PLXDC2: variants seen among roughly 807,000 people sequenced by gnomAD.
PLXDC2 encodes plexin domain containing 2.
In PLXDC2, 40 loss-of-function variants were observed where a neutral mutation model predicts 68.9. The ratio of observed to expected loss-of-function variants is 0.58; its 90% confidence interval spans 0.45 to 0.76. The LOEUF (loss-of-function observed/expected upper bound fraction) is 0.76, where lower values mean the gene tolerates loss of function less well. Among genes scored for constraint, PLXDC2 ranks in the 30% least tolerant of loss-of-function variants. The pLI, the probability that PLXDC2 is intolerant of heterozygous loss-of-function variation, is 0.00. For synonymous variants in PLXDC2, 243 were observed against 234.2 expected, an observed-to-expected ratio of 1.04 and a Z score of -0.34; for missense variants, 644 against 661.9, an observed-to-expected ratio of 0.97 and a Z score of 0.30.
At chr10:20,205,493 G>C (rs1453205658) in intron 9 of PLXDC2, among the ~76,000 whole-genome samples, 1 of 152,020 alleles carries the variant, frequency 6.6e-6, no homozygotes, top group African/African-American at 2.4e-5. Context: ...GCAACTTAGA[G>C]TTTCTCTCAT....
chr10:20,165,813 A>G (rs1338142986), intron 7 of PLXDC2, among the ~76,000 whole-genome samples: 1 of 152,174 alleles, frequency 6.6e-6, no homozygotes, highest in Non-Finnish European at 1.5e-5. Context: ...TTGTTATATT[A>G]GAAACCAAAA....
At chr10:20,000,731 C>T in intron 1 of PLXDC2, among the ~76,000 whole-genome samples, 1 of 152,118 alleles carries the variant, frequency 6.6e-6, no homozygotes, top group East Asian at 1.9e-4. Flanking sequence ...TTATAAGCTG[C>T]ATTAAATACA....
At chr10:20,024,213 C>T (rs762675206) in intron 2 of PLXDC2, among the ~76,000 whole-genome samples, 2 of 152,084 alleles carry the variant, frequency 1.3e-5, no homozygotes, top group Non-Finnish European at 2.9e-5. Flanking sequence ...AAACTCTAAG[C>T]CATCACAAGT....
intron 13 of PLXDC2, among the ~76,000 whole-genome samples, chr10:20,255,231 AGAT>A (rs1436184928): frequency 2.0e-5 from 3 of 151,762 alleles, no homozygotes; most frequent in African/African-American, 4.8e-5. Context: ...ATAGATAGAT[AGAT>A]ACCACAGAAA....
At chr10:19,979,893 G>T (rs1381702595) in intron 1 of PLXDC2, among the ~76,000 whole-genome samples, 1 of 152,178 alleles carries the variant, frequency 6.6e-6, no homozygotes, top group Non-Finnish European at 1.5e-5. Flanking sequence ...AATTCAGACT[G>T]ATCTGGGAGC....
intron 13 of PLXDC2, among the ~76,000 whole-genome samples, chr10:20,247,620 C>T (rs1197985998): frequency 6.6e-6 from 1 of 152,178 alleles, no homozygotes; most frequent in African/African-American, 2.4e-5. Flanking sequence ...TTCTGAAACT[C>T]TATCTGCAGG....
At chr10:20,016,080 A>G (rs1835204880) in intron 2 of PLXDC2, among the ~76,000 whole-genome samples, 2 of 152,318 alleles carry the variant, frequency 1.3e-5, no homozygotes, top group South Asian at 4.1e-4. Flanking sequence ...AACTCTCTGG[A>G]TATCGCTCCA....
chr10:20,125,125 C>T (rs1421591976), intron 4 of PLXDC2, among the ~76,000 whole-genome samples: 5 of 151,898 alleles, frequency 3.3e-5, no homozygotes, highest in Admixed American at 3.3e-4. Context: ...CCAGTAATGT[C>T]CCCCAGACAT....
chr10:20,122,414 C>T lies in PLXDC2; in HGVS notation c.542-20881C>T, dbSNP rs191364183. On this transcript the variant is annotated intron_variant, in intron 4 of 13. Coordinates refer to ENST00000377252, the MANE Select transcript of PLXDC2 (RefSeq NM_032812.9). ...CTAGGGGGCTTTCGAGGCGATTGGG[C>T]AGCATCAGTCTTCAGCCACTAAGCC... is the stretch of plus-strand genomic sequence containing the variant. Among the ~76,000 whole-genome samples, 4 of 152,308 alleles carry T rather than the reference C, an allele frequency of 2.6e-5. No homozygotes were observed. The East Asian group carries it at 7.7e-4, about 29-fold the overall frequency.
At chr10:20,103,402 C>T (rs1215894631) in intron 4 of PLXDC2, among the ~76,000 whole-genome samples, 2 of 152,050 alleles carry the variant, frequency 1.3e-5, no homozygotes, top group African/African-American at 4.8e-5. Context: ...TTGATAAGAA[C>T]AGCTTTGAAA....
chr10:20,030,481 G>A (rs1564662633), intron 2 of PLXDC2, among the ~76,000 whole-genome samples: 1 of 152,160 alleles, frequency 6.6e-6, no homozygotes, highest in Non-Finnish European at 1.5e-5. Context: ...AAGGAATTTG[G>A]AGGAAAGAGA....
intron 1 of PLXDC2, among the ~76,000 whole-genome samples, chr10:19,899,623 A>G (rs1476775750): frequency 2.0e-5 from 3 of 152,218 alleles, no homozygotes; most frequent in Non-Finnish European, 4.4e-5. Context: ...AATTTTAAGT[A>G]TATATTTGGT....
rs182713789 is a variant in PLXDC2, at chr10:19,906,151, C to T, written c.112+88960C>T. The stretch of plus-strand genomic sequence containing the variant: ...AGAGAGAGGGACTAAAGTGTGAGTG[C>T]ATGTGTATATGTGTTCACGTGTGTG... On this transcript the variant is annotated intron_variant, in intron 1 of 13. Transcript: ENST00000377252. Among the ~76,000 whole-genome samples, 31 of 152,132 alleles carry T rather than the reference C, an allele frequency of 2.0e-4. No homozygotes were observed. In the East Asian group the frequency reaches 5.8e-3, roughly 29 times the overall value.
intron 4 of PLXDC2, among the ~76,000 whole-genome samples, chr10:20,106,710 T>C (rs1025406569): frequency 2.6e-5 from 4 of 152,114 alleles, no homozygotes; most frequent in Non-Finnish European, 4.4e-5. Context: ...TTTTTCCCAA[T>C]TACCTCTTAA....
intron 4 of PLXDC2, among the ~76,000 whole-genome samples, chr10:20,120,129 G>A (rs1006733446): frequency 2.0e-5 from 3 of 152,098 alleles, no homozygotes; most frequent in East Asian, 1.9e-4. Flanking sequence ...AGTTGAGAAC[G>A]GTGAATAGGA....
intron 6 of PLXDC2, among the ~76,000 whole-genome samples, chr10:20,158,353 AATACTTCTAAATAGCT>A (rs199800541): frequency 0.027 from 4,049 of 151,966 alleles, 67 homozygotes; most frequent in Non-Finnish European, 0.033. Context: ...TAATTTGCCC[AATACTTCTAAATAGCT>A]ATACTTCTAA....
chr10:20,064,860 C>T (rs536922786), intron 3 of PLXDC2, among the ~76,000 whole-genome samples: 7 of 151,438 alleles, frequency 4.6e-5, no homozygotes, highest in South Asian at 4.2e-4. Flanking sequence ...GAAATGATTC[C>T]GGGCATGTTT....
At chr10:20,238,288 C>G (rs760898416) in intron 12 of PLXDC2, among the ~76,000 whole-genome samples, 14 of 151,226 alleles carry the variant, frequency 9.3e-5, no homozygotes, top group Non-Finnish European at 1.8e-4. Context: ...ATGGACTTCT[C>G]CAAATTAAAC....
chr10:20,035,853 G>A (rs1001189240), intron 2 of PLXDC2, among the ~76,000 whole-genome samples: 3 of 152,116 alleles, frequency 2.0e-5, no homozygotes, highest in Non-Finnish European at 4.4e-5. Context: ...AGTTGATTGT[G>A]TGAAATTCTT....
Sources: allele counts gnomAD v4.1 joint callset (sites outside exome capture counted in the v4.1 genomes callset), GRCh38; gene constraint gnomAD v4.1.1; transcripts MANE v1.5; gene names NCBI Gene and HGNC (gene_info 2026-07-23, HGNC 2026-07-21).